AVEN: variants seen among roughly 807,000 people sequenced by gnomAD.
AVEN encodes the protein cell death regulator Aven.
Under a neutral mutation model 38.1 loss-of-function variants are expected in AVEN, and 41 were observed. The ratio of observed to expected loss-of-function variants is 1.08; its 90% CI spans 0.84 to 1.40. AVEN has a LOEUF of 1.40. Among genes scored for constraint, AVEN ranks in the 40% most tolerant of loss-of-function variants. The pLI is 0.00. For synonymous variants in AVEN, 206 were observed against 171.8 expected (o/e 1.20, Z -1.56); for missense variants, 605 against 438.8 (o/e 1.38, Z -3.38).
At chr15:33,852,818 C>T in the AVEN span, 3 of 448,948 alleles carry the variant, frequency 6.7e-6, no homozygotes, top group African/African-American at 2.1e-5. Context: ...CAGAAACTGC[C>T]CAGTGGCCTT....
chr15:33,861,351 G>GTGTTGTGGACAAT (rs1412753903), downstream of AVEN, among the ~76,000 whole-genome samples: 82 of 152,272 alleles, frequency 5.4e-4, no homozygotes, highest in African/African-American at 1.9e-3. Flanking sequence ...TGATAGACGT[G>GTGTTGTGGACAAT]TGTTGTGGAC....
At chr15:33,983,955 C>T (rs1896308721) in intron 2 of AVEN, among the ~76,000 whole-genome samples, 1 of 150,234 alleles carries the variant, frequency 6.7e-6, no homozygotes, top group Non-Finnish European at 1.5e-5. Flanking sequence ...CAGAAAAACC[C>T]AAATTAAGGG....
intron 2 of AVEN, among the ~76,000 whole-genome samples, chr15:33,924,157 T>C: frequency 6.6e-6 from 1 of 151,890 alleles, no homozygotes; most frequent in Non-Finnish European, 1.5e-5. Flanking sequence ...TAATGCATAG[T>C]ATTTCTGTCT....
At chr15:33,974,480 G>A (rs1013040403) in intron 2 of AVEN, among the ~76,000 whole-genome samples, 1 of 152,166 alleles carries the variant, frequency 6.6e-6, no homozygotes, top group African/African-American at 2.4e-5. Flanking sequence ...AAGGCTAAAA[G>A]ACTATGCTGT....
intron 2 of AVEN, among the ~76,000 whole-genome samples, chr15:33,924,983 C>T (rs1175626218): frequency 6.6e-6 from 1 of 152,142 alleles, no homozygotes; most frequent in Non-Finnish European, 1.5e-5. Context: ...ATTTTTAGAA[C>T]TCCTTTTGCC....
At chr15:34,037,351 G>C (rs1475849802) in intron 1 of AVEN, among the ~76,000 whole-genome samples, 1 of 151,868 alleles carries the variant, frequency 6.6e-6, no homozygotes, top group Non-Finnish European at 1.5e-5. Context: ...TCACGAAAAA[G>C]TAAGAGATAA....
intron 2 of AVEN, among the ~76,000 whole-genome samples, chr15:33,961,559 A>T (rs1210604176): frequency 6.6e-6 from 1 of 151,836 alleles, no homozygotes; most frequent in East Asian, 2.0e-4. Context: ...CATGCCTGTA[A>T]TCCCAGCACT....
chr15:34,003,034 G>A lies in AVEN; in HGVS notation c.443C>T (p.Ala148Val), dbSNP rs1897198027. The change falls in exon 2 of 6, where the codon GCA becomes GTA. Residue 148 changes from alanine to valine, a missense_variant and splice_region_variant. Transcript: ENST00000306730. ...ATGCATGCAACTGGAATTCATACCT[G>A]CAGAGCTAAGGAGGACACTGAAATC... ...GTDFSVLLSS[A>V]GDSFSQFRFA... is the part of the protein sequence containing the mutation. 6.2e-7 allele frequency: 1 copy of A among 1,611,810 alleles called. No homozygotes were observed. Among genetic ancestry groups the A allele is most frequent in the Non-Finnish European group, 8.5e-7 (1 of 1,179,080 alleles).
intron 2 of AVEN, among the ~76,000 whole-genome samples, chr15:33,977,490 A>T (rs1895936576): frequency 6.6e-6 from 1 of 152,156 alleles, no homozygotes; most frequent in East Asian, 1.9e-4. Flanking sequence ...TTAGGAGGCT[A>T]TGACAGCGTG....
At chr15:33,908,823 A>G (rs1892808790) in intron 2 of AVEN, among the ~76,000 whole-genome samples, 1 of 152,228 alleles carries the variant, frequency 6.6e-6, no homozygotes, top group Non-Finnish European at 1.5e-5. Context: ...AGAAACTACA[A>G]GAGGGCTGGG....
intron 2 of AVEN, among the ~76,000 whole-genome samples, chr15:33,901,466 A>T (rs1241124042): frequency 6.6e-6 from 1 of 152,220 alleles, no homozygotes. Context: ...TACTGAAATG[A>T]ACATAGAGTA....
intron 2 of AVEN, among the ~76,000 whole-genome samples, chr15:33,876,641 CAT>C (rs1463962137): frequency 2.6e-5 from 4 of 152,210 alleles, no homozygotes; most frequent in Non-Finnish European, 2.9e-5. Flanking sequence ...TGTGGATATA[CAT>C]GTGTATATGT....
chr15:33,874,408 T>C (rs967986905), intron 3 of AVEN, among the ~76,000 whole-genome samples: 14 of 152,202 alleles, frequency 9.2e-5, no homozygotes, highest in African/African-American at 3.4e-4. Flanking sequence ...TCTCTGAGCA[T>C]AACCTCGTTT....
At chr15:33,880,298 T>C (rs1193889893) in intron 2 of AVEN, among the ~76,000 whole-genome samples, 2 of 152,010 alleles carry the variant, frequency 1.3e-5, no homozygotes, top group African/African-American at 4.8e-5. Context: ...GAGGTCAGGG[T>C]AACATTTAGG....
At position 33,949,345 on chromosome 15, in the gene AVEN, A is replaced by G. The variant is rs1470093071; in HGVS notation, c.445+53687T>C. ...AAATAAGTCTAATGTTCAACAGCACAGTAGGGGGTCTATAGTTATCGTTAA... is the reference window on the plus strand; with the variant it reads ...AAATAAGTCTAATGTTCAACAGCACGGTAGGGGGTCTATAGTTATCGTTAA... On this transcript the variant is annotated intron_variant, in intron 2 of 5. Transcript: ENST00000306730. Among the ~76,000 whole-genome samples, 5 of 152,210 alleles carry G rather than the reference A, an allele frequency of 3.3e-5. No homozygotes were observed. In the East Asian group the frequency reaches 7.7e-4, roughly 23 times the overall value.
intron 2 of AVEN, among the ~76,000 whole-genome samples, chr15:33,877,680 G>T (rs1373906198): frequency 6.6e-6 from 1 of 152,172 alleles, no homozygotes; most frequent in Non-Finnish European, 1.5e-5. Context: ...ACTGGTCACG[G>T]TGTCTCATGC....
intron 2 of AVEN, among the ~76,000 whole-genome samples, chr15:33,950,814 T>C (rs895192593): frequency 6.6e-6 from 1 of 152,168 alleles, no homozygotes; most frequent in Non-Finnish European, 1.5e-5. Flanking sequence ...AAAGCCAGCC[T>C]GGGCAACATA....
chr15:33,944,921 T>C (rs1038394297), intron 2 of AVEN, among the ~76,000 whole-genome samples: 1 of 152,032 alleles, frequency 6.6e-6, no homozygotes, highest in African/African-American at 2.4e-5. Context: ...TTAAGGTACA[T>C]GTTAGCTTGG....
intron 1 of AVEN, among the ~76,000 whole-genome samples, chr15:34,019,565 C>T (rs952623103): frequency 1.3e-5 from 2 of 152,228 alleles, no homozygotes; most frequent in East Asian, 3.8e-4. Context: ...GAGCAACTTT[C>T]AGTCCTGCAA....
Sources: gnomAD v4.1 joint callset for allele counts (sites outside exome capture counted in the v4.1 genomes callset) on GRCh38, gnomAD v4.1.1 for gene constraint, MANE v1.5 for transcripts, NCBI Gene and HGNC (gene_info 2026-07-23, HGNC 2026-07-21) for gene names.